COL27A1: variants seen among roughly 807,000 people sequenced by gnomAD.
COL27A1 encodes collagen alpha-1(XXVII) chain.
COL27A1 carries 106 observed loss-of-function variants against 251.3 expected under a neutral mutation model. The ratio of observed to expected loss-of-function variants is 0.42; its 90% CI spans 0.36 to 0.50. The LOEUF (loss-of-function observed/expected upper bound fraction) is 0.50, where lower values mean the gene tolerates loss of function less well. Ranked by LOEUF, COL27A1 falls within the 20% of genes least tolerant of loss-of-function variation. The pLI, the probability that COL27A1 is intolerant of heterozygous loss-of-function variation, is 0.00. For missense variants in COL27A1, 2,325 were observed against 2,522.8 expected, an observed-to-expected ratio of 0.92 and a Z score of 1.68; for synonymous variants, 1,000 against 986.3, an observed-to-expected ratio of 1.01 and a Z score of -0.26.
rs537296738 is a variant in COL27A1 at position 114,202,549 on chromosome 9, C to T, written c.2125-2553C>T. 3.3e-4 allele frequency among the ~76,000 whole-genome samples: 51 copies of T among 152,278 alleles called. 1 individual carries two copies. In the South Asian group the frequency reaches 6.6e-3, roughly 20 times the overall value. ...ATCACGGCTGTTAGTTACATCATGTCGCGCTACCTCCCTGCTCGAAGAGCT... is the reference window on the plus strand; with the variant it reads ...ATCACGGCTGTTAGTTACATCATGTTGCGCTACCTCCCTGCTCGAAGAGCT... On this transcript the variant is annotated intron_variant, in intron 7 of 60. Coordinates refer to ENST00000356083, the MANE Select transcript of COL27A1 (RefSeq NM_032888.4).
chr9:114,204,906 A>C (rs1437358925), intron 7 of COL27A1, among the ~76,000 whole-genome samples, 196 bp from the exon 8 acceptor site: 1 of 152,224 alleles, frequency 6.6e-6, no homozygotes, highest in Non-Finnish European at 1.5e-5. Flanking sequence ...CACTGGGAGC[A>C]GAGAGAAAAC....
intron 2 of COL27A1, 130 bp downstream of exon 2, chr9:114,162,915 G>A (rs1034830342): frequency 2.6e-5 from 17 of 641,724 alleles, no homozygotes; most frequent in Non-Finnish European, 4.4e-5. Flanking sequence ...GTAGAATGGA[G>A]ATGATAATTG....
At chr9:114,227,106 C>T (rs1831521499) in intron 14 of COL27A1, among the ~76,000 whole-genome samples, 1 of 152,104 alleles carries the variant, frequency 6.6e-6, no homozygotes, top group African/African-American at 2.4e-5. Flanking sequence ...CTAAGTATGT[C>T]ACAGCTAAGG....
intron 14 of COL27A1, among the ~76,000 whole-genome samples, chr9:114,222,927 C>T (rs971116996): frequency 6.6e-6 from 1 of 152,164 alleles, no homozygotes; most frequent in East Asian, 1.9e-4. Context: ...GGATCTGGCA[C>T]CCAGTAAGTG....
rs1477779976 is a variant in COL27A1, at chr9:114,168,192, C to T, written c.637C>T (p.Leu213Phe). 1.9e-6 allele frequency: 3 copies of T among 1,613,772 alleles called. No individual in the cohort carries two copies. In the African/African-American group the frequency reaches 4.0e-5, roughly 22 times the overall value. The change falls in exon 3 of 61, where the codon CTC becomes TTC. Residue 213 changes from leucine (L) to phenylalanine (F), a missense_variant. Leu to Phe is a conservative substitution (Grantham distance 22, BLOSUM62 0). Transcript: ENST00000356083. ...NPHAVQFEGA[L>F]CQFSIYPVTQ... is the part of the protein sequence containing the mutation. Reference sequence around the variant, plus strand: ...GCATGCAGTCCAGTTTGAAGGTGCTCTCTGCCAGTTCAGTATCTACCCTGT... The same window carrying T: ...GCATGCAGTCCAGTTTGAAGGTGCTTTCTGCCAGTTCAGTATCTACCCTGT...
chr9:114,290,229 G>T lies in COL27A1; in HGVS notation c.4266G>T (p.Leu1422=). 1.3e-6 allele frequency: 2 copies of T among 1,572,120 alleles called. No individual in the cohort carries two copies. The highest frequency in any genetic ancestry group is 1.7e-6 in the Non-Finnish European group (2 of 1,158,302). ...GAPGRRGVQG[L]QGLPGPRGVV... ...GCTTTTTATGTACCCCCCAGGGCCT[G>T]CAGGGGCTGCCAGGGCCCCGGGGCG... Residue 1422 remains leucine, a synonymous_variant, in exon 47 of 61, where the codon CTG becomes CTT. Transcript: ENST00000356083. This position sits in a 1 kb window ranked among gnomAD's most constrained non-coding sequence, Gnocchi z 4.6.
At chr9:114,205,909 G>T in intron 9 of COL27A1, 97 bp downstream of exon 9, 1 of 1,144,480 alleles carries the variant, frequency 8.7e-7, no homozygotes, top group Non-Finnish European at 1.3e-6. Flanking sequence ...TGGGGGCCAA[G>T]GAGCTGCACC....
intron 2 of COL27A1, among the ~76,000 whole-genome samples, chr9:114,166,368 A>AATCCATCCATCCGTCCATCCATCCATCC (rs1554786335): frequency 2.0e-3 from 73 of 37,142 alleles, no homozygotes; most frequent in African/African-American, 3.9e-3. Context: ...TCCATCCATC[A>AATCCATCCATCCGTCCATCCATCCATCC]ATCCATCCAT....
At chr9:114,173,712 G>GA (rs1202827867) in intron 3 of COL27A1, among the ~76,000 whole-genome samples, 1 of 151,980 alleles carries the variant, frequency 6.6e-6, no homozygotes, top group African/African-American at 2.4e-5. Context: ...GGGTCGGGGG[G>GA]AGGGGAGTAA....
chr9:114,263,706 C>A lies in COL27A1; in HGVS notation c.3196-649C>A, dbSNP rs538343968. Among the ~76,000 whole-genome samples, 4 of 152,250 alleles carry A rather than the reference C, an allele frequency of 2.6e-5. No homozygotes were observed. The East Asian group carries it at 5.8e-4, about 22-fold the overall frequency. On this transcript the variant is annotated intron_variant, in intron 28 of 60. Transcript: ENST00000356083. ...CTGGGGTCTCCCAGCAATCAGGGAC[C>A]AAGACTCCTGTGTCAGGGGTCAGGC...
intron 1 of COL27A1, 81 bp downstream of exon 1, chr9:114,156,093 G>C: frequency 5.4e-6 from 7 of 1,288,196 alleles, no homozygotes; most frequent in African/African-American, 1.5e-5. Context: ...CCCGCCATGC[G>C]GTCGCTTCCA....
intron 10 of COL27A1, among the ~76,000 whole-genome samples, chr9:114,206,891 G>T (rs1830003784): frequency 6.6e-6 from 1 of 152,218 alleles, no homozygotes; most frequent in Non-Finnish European, 1.5e-5. Context: ...CTCAGGAGGG[G>T]GCCACCAGGT....
intron 9 of COL27A1, 80 bp from the exon 10 acceptor site, chr9:114,206,172 A>G (rs533109499): frequency 1.4e-6 from 2 of 1,406,896 alleles, no homozygotes; most frequent in Non-Finnish European, 2.0e-6. Flanking sequence ...AGAGGCCCCA[A>G]AGAGGCAGGA....
chr9:114,156,186 G>A (rs1201436806), intron 1 of COL27A1, among the ~76,000 whole-genome samples, 174 bp downstream of exon 1: 11 of 151,766 alleles, frequency 7.2e-5, no homozygotes, highest in Admixed American at 1.3e-4. Context: ...CCCCGGCCGG[G>A]CGAGAGTTGG....
intron 5 of COL27A1, among the ~76,000 whole-genome samples, chr9:114,191,223 A>T (rs984624283): frequency 1.3e-5 from 2 of 152,158 alleles, no homozygotes; most frequent in African/African-American, 4.8e-5. Context: ...CTGGAACCAG[A>T]CTGCAAGAAC....
intron 56 of COL27A1, among the ~76,000 whole-genome samples, chr9:114,304,036 T>G (rs1467730643): frequency 6.6e-6 from 1 of 152,244 alleles, no homozygotes; most frequent in Admixed American, 6.5e-5. Context: ...GGAGGATGTT[T>G]AGCAGAATTC....
At chr9:114,309,165 C>A in intron 59 of COL27A1, 95 bp from the exon 60 acceptor site, 1 of 977,818 alleles carries the variant, frequency 1.0e-6, no homozygotes, top group Non-Finnish European at 1.6e-6. Context: ...CAGGAAGGGG[C>A]CTATCCCTGT....
chr9:114,252,724 C>A, intron 26 of COL27A1, 78 bp downstream of exon 26: 1 of 1,460,896 alleles, frequency 6.8e-7, no homozygotes, highest in Non-Finnish European at 9.6e-7. Flanking sequence ...CCATGAACCG[C>A]TTACCCCAGA....
intron 3 of COL27A1, among the ~76,000 whole-genome samples, chr9:114,173,539 A>G (rs375626195): frequency 5.3e-4 from 81 of 152,326 alleles, no homozygotes; most frequent in Middle Eastern, 3.4e-3. Flanking sequence ...CCATCCATTC[A>G]TTCTTTGCAC....
Sources: gnomAD v4.1 joint callset for allele counts (sites outside exome capture counted in the v4.1 genomes callset) on GRCh38, gnomAD v4.1.1 for gene constraint, Gnocchi (gnomAD v3.1) non-coding constraint, MANE v1.5 for transcripts, NCBI Gene and HGNC (gene_info 2026-07-23, HGNC 2026-07-21) for gene names.